The following ABCG1 variants were observed in gnomAD, a reference collection of about 807,000 sequenced individuals.
ABCG1 encodes ATP-binding cassette sub-family G member 1.
ABCG1 carries 29 observed loss-of-function variants against 69.2 expected under a neutral mutation model. The observed-to-expected ratio is 0.42, with a 90% CI of 0.31 to 0.57. ABCG1 has a LOEUF of 0.57. Among genes scored for constraint, ABCG1 ranks in the 20% least tolerant of loss-of-function variants. The pLI, the probability that ABCG1 is intolerant of heterozygous loss-of-function variation, is 0.15. For synonymous variants in ABCG1, 370 were observed against 374.8 expected, an observed-to-expected ratio of 0.99 and a Z score of 0.15; for missense variants, 718 against 898.1, an observed-to-expected ratio of 0.80 and a Z score of 2.56.
chr21:42,269,411 G>A (rs549033194), intron 2 of ABCG1, among the ~76,000 whole-genome samples: 93 of 152,188 alleles, frequency 6.1e-4, no homozygotes, highest in Non-Finnish European at 4.4e-4. Flanking sequence ...TGGGGTTCCC[G>A]GTCCTCCTCC....
chr21:42,211,337 C>T (rs1457971724), upstream of ABCG1, among the ~76,000 whole-genome samples: 2 of 152,098 alleles, frequency 1.3e-5, 1 homozygote, highest in Non-Finnish European at 2.9e-5. Context: ...TGCTGCTGCC[C>T]TCCCTGATGA....
At chr21:42,267,083 C>T (rs185230280) in intron 2 of ABCG1, among the ~76,000 whole-genome samples, 1 of 152,326 alleles carries the variant, frequency 6.6e-6, no homozygotes, top group African/African-American at 2.4e-5. Context: ...GACAACCCAG[C>T]AATTGATAAA....
chr21:42,292,370 G>A (rs1028932103), intron 13 of ABCG1, among the ~76,000 whole-genome samples: 2 of 152,052 alleles, frequency 1.3e-5, no homozygotes, highest in African/African-American at 2.4e-5. Flanking sequence ...CATCTCACAA[G>A]GCTGCCATGG....
chr21:42,285,850 T>C, intron 7 of ABCG1, 30 bp from the exon 8 acceptor site: 1 of 1,512,920 alleles, frequency 6.6e-7, no homozygotes, highest in Non-Finnish European at 9.2e-7. Flanking sequence ...AGGCAGGGCT[T>C]GATCCCTTTT....
chr21:42,287,335 G>C lies in ABCG1; in HGVS notation c.974-554G>C, dbSNP rs988927817. Among the ~76,000 whole-genome samples, 1 of 152,184 alleles carries C rather than the reference G, an allele frequency of 6.6e-6. No homozygotes were observed. Among genetic ancestry groups the C allele is most frequent in the Non-Finnish European group, 1.5e-5 (1 of 68,028 alleles). ...TTGGGATGCGAGAGGCAGGAGCAGCGGGCAGGGCCGGTGCAGGAGACGCTC... is the reference window on the plus strand; with the variant it reads ...TTGGGATGCGAGAGGCAGGAGCAGCCGGCAGGGCCGGTGCAGGAGACGCTC... On this transcript the variant is annotated intron_variant, in intron 8 of 14. Coordinates refer to ENST00000398449, the MANE Select transcript of ABCG1 (RefSeq NM_016818.3). This position sits in a 1 kb window ranked among gnomAD's most constrained non-coding sequence, Gnocchi z 6.2.
chr21:42,287,800 C>T lies in ABCG1; in HGVS notation c.974-89C>T. On this transcript the variant is annotated intron_variant, in intron 8 of 14. Coordinates refer to ENST00000398449, the MANE Select transcript of ABCG1 (RefSeq NM_016818.3). The surrounding 1 kb of genome is among the most constrained non-coding windows in gnomAD (Gnocchi z 6.2). ...CAGCATCTATGTAATCGCTTTAAAACATTCCCACTTGAATAACGACTTTCG... is the reference window on the plus strand; with the variant it reads ...CAGCATCTATGTAATCGCTTTAAAATATTCCCACTTGAATAACGACTTTCG... 7.4e-7 allele frequency: 1 copy of T among 1,356,448 alleles called. No individual in the cohort carries two copies. The allele number at this position is 1,356,448 out of a possible 1,614,324, so 84.0% of individuals were successfully genotyped here. A position where few individuals can be genotyped will look rare whatever the true frequency, so the allele number is the denominator to read the frequency against.
intron 2 of ABCG1, chr21:42,256,499 C>T (rs1158816262): frequency 2.2e-5 from 34 of 1,549,832 alleles, no homozygotes; most frequent in Non-Finnish European, 3.0e-5. Context: ...GGCTGTGGCT[C>T]CAGGTCACCT....
chr21:42,269,452 C>T (rs1404756003), intron 2 of ABCG1, among the ~76,000 whole-genome samples: 1 of 152,198 alleles, frequency 6.6e-6, no homozygotes, highest in Non-Finnish European at 1.5e-5. Flanking sequence ...GCCTCAAGTG[C>T]TGTGTGTTTG....
At chr21:42,254,458 C>T (rs1444132188) in intron 2 of ABCG1, among the ~76,000 whole-genome samples, 1 of 152,162 alleles carries the variant, frequency 6.6e-6, no homozygotes, top group East Asian at 1.9e-4. Context: ...GCAGTTCTTG[C>T]CCCCTGTGAC....
At position 42,291,739 on chromosome 21, in the gene ABCG1, A is replaced by G; in HGVS notation, c.1653+83A>G. The G allele has an allele frequency of 7.0e-7, 1 of 1,428,818 alleles. No individual in the cohort carries two copies. 88.5% of individuals were successfully genotyped at this position (1,428,818 alleles called of 1,614,324 possible). ...TTGGCCTGAGCTAGGGGGCTCTGCC[A>G]CCCCTTCCCCTACTTCTGCCCTGAC... On this transcript the variant is annotated intron_variant, in intron 13 of 14. Coordinates refer to ENST00000398449, the MANE Select transcript of ABCG1 (RefSeq NM_016818.3). The surrounding 1 kb of genome is among the most constrained non-coding windows in gnomAD (Gnocchi z 6.4).
chr21:42,284,566 G>A lies in ABCG1; in HGVS notation c.741G>A (p.Leu247=). The change falls in exon 7 of 15, where the codon CTG becomes CTA. Residue 247 remains leucine, a synonymous_variant. Transcript: ENST00000398449. ...VMFFDEPTSG[L]DSASCFQVVS... Reference sequence around the variant, plus strand: ...GGTGCCTCTTGACTTGCAGCGGCCTGGACAGCGCCTCCTGCTTCCAGGTGG... The same window carrying A: ...GGTGCCTCTTGACTTGCAGCGGCCTAGACAGCGCCTCCTGCTTCCAGGTGG... The A allele has an allele frequency of 1.9e-6, 3 of 1,613,280 alleles. No individual in the cohort carries two copies. The highest frequency in any genetic ancestry group is 2.5e-6 in the Non-Finnish European group (3 of 1,180,008).
intron 2 of ABCG1, among the ~76,000 whole-genome samples, chr21:42,257,783 G>A (rs116429670): frequency 2.6e-5 from 4 of 152,282 alleles, no homozygotes; most frequent in African/African-American, 4.8e-5. Context: ...CCTGCACCGC[G>A]AGGCCCATGC....
chr21:42,250,105 G>A (rs1569218908), intron 2 of ABCG1, among the ~76,000 whole-genome samples: 1 of 151,964 alleles, frequency 6.6e-6, no homozygotes. Context: ...ACATATGGGG[G>A]TGCAGGGGGA....
intron 2 of ABCG1, chr21:42,256,640 CA>C: frequency 1.4e-6 from 2 of 1,480,616 alleles, no homozygotes; most frequent in Non-Finnish European, 1.8e-6. Flanking sequence ...GTGCTGGGGA[CA>C]GGGTTCCCAC....
chr21:42,282,744 G>A lies in ABCG1; in HGVS notation c.734+325G>A, dbSNP rs148611320. The stretch of plus-strand genomic sequence containing the variant: ...ACTCTGAGGGCCAAGGTCATGGGAC[G>A]ACCTGGGAAACGGTGTGTCTTCAGG... On this transcript the variant is annotated intron_variant, in intron 6 of 14. Coordinates refer to ENST00000398449, the MANE Select transcript of ABCG1 (RefSeq NM_016818.3). 1.1e-4 allele frequency among the ~76,000 whole-genome samples: 17 copies of A among 152,338 alleles called. No homozygotes were observed. The East Asian group carries it at 2.7e-3, about 24-fold the overall frequency.
rs4148100 is a variant in ABCG1 at position 42,220,059 on chromosome 21, T to A, written c.42+755T>A. ...GGACACAGTTACTGTAAGTGCTGTT[T>A]CCAGGGGTGGTCAGGAATCTCCCTT... On this transcript the variant is annotated intron_variant, in intron 1 of 14. Transcript: ENST00000398449. The A allele has an allele frequency of 5.2e-6, 8 of 1,548,864 alleles. No homozygotes were observed. In the African/African-American group the frequency reaches 1.1e-4, roughly 21 times the overall value.
chr21:42,284,785 G>A, intron 7 of ABCG1, 102 bp downstream of exon 7: 1 of 1,475,388 alleles, frequency 6.8e-7, no homozygotes, highest in East Asian at 2.3e-5. Flanking sequence ...TAGCTCGTGG[G>A]GCGTCTTCAT....
chr21:42,217,679 C>CTTTTT (rs71190409), upstream of ABCG1, among the ~76,000 whole-genome samples: 27 of 61,636 alleles, frequency 4.4e-4, 5 homozygotes, highest in African/African-American at 1.4e-3. Context: ...TGGATCTACT[C>CTTTTT]TTTTTTTTTT....
chr21:42,268,887 C>T (rs2068565375), intron 2 of ABCG1, among the ~76,000 whole-genome samples: 1 of 152,224 alleles, frequency 6.6e-6, no homozygotes, highest in South Asian at 2.1e-4. Context: ...CCTGTATGTG[C>T]TTCCTCCAGC....
Sources: gnomAD v4.1 joint callset for allele counts (sites outside exome capture counted in the v4.1 genomes callset) on GRCh38, gnomAD v4.1.1 for gene constraint, Gnocchi (gnomAD v3.1) non-coding constraint, MANE v1.5 for transcripts, NCBI Gene and HGNC (gene_info 2026-07-23, HGNC 2026-07-21) for gene names.